The following KCTD1 variants were observed in gnomAD, a reference collection of about 807,000 sequenced individuals.
KCTD1 encodes BTB/POZ domain-containing protein KCTD1.
In KCTD1, 24 loss-of-function variants were observed where a neutral mutation model predicts 66.0. That is an observed-to-expected ratio of 0.36 (90% CI 0.26 to 0.51). The LOEUF (loss-of-function observed/expected upper bound fraction) is 0.51. KCTD1 is among the 20% of genes least tolerant of loss of function. The probability of loss-of-function intolerance (pLI) is 0.95; values close to 1 mark genes in which losing one functional copy is unlikely to be tolerated. For synonymous variants in KCTD1, 511 were observed against 517.2 expected (o/e 0.99, Z 0.16); for missense variants, 943 against 1,205.2 (o/e 0.78, Z 3.22).
At chr18:26,513,470 A>T (rs995222175) in intron 1 of KCTD1, among the ~76,000 whole-genome samples, 1 of 152,180 alleles carries the variant, frequency 6.6e-6, no homozygotes, top group African/African-American at 2.4e-5. Context: ...CTTTTGCCCC[A>T]ATTACCTTTT....
At chr18:26,570,191 A>AAATATATATAT (rs776923644) in intron 1 of KCTD1, among the ~76,000 whole-genome samples, 6,392 of 132,064 alleles carry the variant, frequency 0.048, 236 homozygotes, top group Non-Finnish European at 0.069. Flanking sequence ...ATCTAAAAAA[A>AAATATATATAT]ATATATATAT....
chr18:26,580,951 G>A (rs866555430), intron 1 of KCTD1, among the ~76,000 whole-genome samples: 1 of 152,174 alleles, frequency 6.6e-6, no homozygotes, highest in Admixed American at 6.5e-5. Context: ...TAATAGTGGT[G>A]ATGAGATTGT....
At chr18:26,497,213 C>T (rs1368201040) in intron 2 of KCTD1, among the ~76,000 whole-genome samples, 1 of 152,144 alleles carries the variant, frequency 6.6e-6, no homozygotes, top group African/African-American at 2.4e-5. Context: ...CTTTTAAGGT[C>T]ACTTGTTACA....
intron 1 of KCTD1, among the ~76,000 whole-genome samples, chr18:26,572,374 C>A (rs564197219): frequency 6.6e-6 from 1 of 152,244 alleles, no homozygotes; most frequent in East Asian, 1.9e-4. Context: ...TTGGCTGGCA[C>A]CATTACAGCA....
intron 1 of KCTD1, among the ~76,000 whole-genome samples, chr18:26,533,804 A>G (rs1411105764): frequency 6.9e-6 from 1 of 145,400 alleles, no homozygotes; most frequent in Non-Finnish European, 1.5e-5. Flanking sequence ...CTGGCCTGTG[A>G]GAATATTTTT....
chr18:26,563,490 G>A (rs4404156), intron 1 of KCTD1, among the ~76,000 whole-genome samples: 99,583 of 152,052 alleles, frequency 0.65, 33,273 homozygotes, highest in African/African-American at 0.8. Context: ...CATACTCTTC[G>A]TCTCCTGGCT....
chr18:26,521,955 A>ATTGAGG (rs1295316114), intron 1 of KCTD1, among the ~76,000 whole-genome samples: 1 of 152,248 alleles, frequency 6.6e-6, no homozygotes, highest in Non-Finnish European at 1.5e-5. Flanking sequence ...ACTTTGTTGT[A>ATTGAGG]TATGAACCAT....
intron 1 of KCTD1, among the ~76,000 whole-genome samples, chr18:26,637,664 A>C (rs571563108): frequency 1.3e-5 from 2 of 152,320 alleles, no homozygotes; most frequent in African/African-American, 4.8e-5. Flanking sequence ...ATTCCAGAAC[A>C]CAAAAGAAGG....
intron 1 of KCTD1, among the ~76,000 whole-genome samples, chr18:26,554,056 G>C (rs897304815): frequency 1.4e-5 from 2 of 140,594 alleles, no homozygotes; most frequent in Non-Finnish European, 3.1e-5. Flanking sequence ...GAAAGAAATA[G>C]GAAGGAAAGA....
intron 1 of KCTD1, among the ~76,000 whole-genome samples, chr18:26,525,389 T>C (rs1303128265): frequency 6.6e-6 from 1 of 152,210 alleles, no homozygotes; most frequent in Non-Finnish European, 1.5e-5. Flanking sequence ...AATTCAGGGA[T>C]GTGATTACCT....
chr18:26,522,600 A>G (rs1983965871), intron 1 of KCTD1, among the ~76,000 whole-genome samples: 1 of 152,302 alleles, frequency 6.6e-6, no homozygotes, highest in South Asian at 2.1e-4. Context: ...AGGATTAGAC[A>G]CTTCAACCAA....
intron 1 of KCTD1, among the ~76,000 whole-genome samples, chr18:26,600,867 C>A (rs576283141): frequency 6.6e-6 from 1 of 152,090 alleles, no homozygotes; most frequent in African/African-American, 2.4e-5. Flanking sequence ...CCCTCTGCCC[C>A]CTTCCATCCC....
chr18:26,595,560 C>A lies in KCTD1; in HGVS notation c.-16+33587G>T, dbSNP rs958009029. On this transcript the variant is annotated intron_variant, in intron 1 of 4. Transcript: ENST00000317932. ...GCAGAATGGAGGGGCTAGACTGCCACAAAGTGACTTTGGGATAAGAAGCCA... is the reference window on the plus strand; with the variant it reads ...GCAGAATGGAGGGGCTAGACTGCCAAAAAGTGACTTTGGGATAAGAAGCCA... Among the ~76,000 whole-genome samples, 3 of 152,188 alleles carry A rather than the reference C, an allele frequency of 2.0e-5. No individual in the cohort carries two copies. In the South Asian group the frequency reaches 6.2e-4, roughly 32 times the overall value.
chr18:26,547,088 A>C lies in KCTD1; in HGVS notation c.1449T>G (p.Ala483=). The change falls in exon 1 of 5, where the codon GCT becomes GCG. Residue 483 remains alanine, a synonymous_variant. Transcript: ENST00000580059. ...SPAPQGCYAE[A]LNGAARHHSH... ...AGTGGTGCCGTGCCGCCCCGTTCAGAGCCTCGGCGTAGCAGCCCTGCGGGG... is the reference window on the plus strand; with the variant it reads ...AGTGGTGCCGTGCCGCCCCGTTCAGCGCCTCGGCGTAGCAGCCCTGCGGGG... 6.5e-7 allele frequency: 1 copy of C among 1,544,422 alleles called. No homozygotes were observed. The highest frequency in any genetic ancestry group is 1.2e-5 in the South Asian group (1 of 83,760).
At chr18:26,532,380 C>T (rs1037106763) in intron 1 of KCTD1, among the ~76,000 whole-genome samples, 10 of 151,110 alleles carry the variant, frequency 6.6e-5, no homozygotes, top group Non-Finnish European at 1.3e-4. Context: ...AGAGATCCTC[C>T]TGCCTCCAGG....
intron 1 of KCTD1, among the ~76,000 whole-genome samples, chr18:26,655,413 T>C (rs377724522): frequency 6.6e-6 from 1 of 150,460 alleles, no homozygotes; most frequent in South Asian, 2.1e-4. Context: ...TAAACTGTTA[T>C]GTCTCCCAGT....
chr18:26,642,216 C>T (rs146466876), upstream of KCTD1, among the ~76,000 whole-genome samples: 7 of 152,288 alleles, frequency 4.6e-5, no homozygotes, highest in African/African-American at 1.4e-4. Context: ...AAATCCACAG[C>T]AGTGGAAGTG....
chr18:26,513,201 C>T (rs1450108571), intron 1 of KCTD1, among the ~76,000 whole-genome samples: 26 of 151,124 alleles, frequency 1.7e-4, no homozygotes, highest in Admixed American at 1.7e-3. Flanking sequence ...CATTCTCCTG[C>T]CTCAGCCTCC....
At chr18:26,482,537 T>G (rs1382633714) in intron 2 of KCTD1, among the ~76,000 whole-genome samples, 1 of 152,186 alleles carries the variant, frequency 6.6e-6, no homozygotes, top group Non-Finnish European at 1.5e-5. Context: ...TGAAAACTCT[T>G]ACGGGATTTG....
Sources: gnomAD v4.1 joint callset for allele counts (sites outside exome capture counted in the v4.1 genomes callset) on GRCh38, gnomAD v4.1.1 for gene constraint, MANE v1.5 for transcripts, NCBI Gene and HGNC (gene_info 2026-07-23, HGNC 2026-07-21) for gene names.